Variants in CSMD1 observed in about 807,000 individuals in gnomAD.
CSMD1 encodes CUB and sushi domain-containing protein 1.
In CSMD1, 213 loss-of-function variants were observed where a neutral mutation model predicts 417.5. The ratio of observed to expected loss-of-function variants is 0.51; its 90% CI spans 0.46 to 0.57. The LOEUF (loss-of-function observed/expected upper bound fraction) is 0.57, where lower values mean the gene tolerates loss of function less well. Among genes scored for constraint, CSMD1 ranks in the 20% least tolerant of loss-of-function variants. The pLI, the probability that CSMD1 is intolerant of heterozygous loss-of-function variation, is 0.00. For synonymous variants in CSMD1, 2,862 were observed against 1,736.8 expected (o/e 1.65, Z -16.11); for missense variants, 6,923 against 4,529.7 (o/e 1.53, Z -15.17).
intron 7 of CSMD1, among the ~76,000 whole-genome samples, chr8:3,650,674 G>A (rs1008081261): frequency 3.3e-5 from 5 of 152,150 alleles, no homozygotes; most frequent in Non-Finnish European, 7.3e-5. Flanking sequence ...AGAACTGTTC[G>A]AAGTGGTAAA....
At chr8:4,791,827 C>A (rs1030374656) in intron 1 of CSMD1, among the ~76,000 whole-genome samples, 1 of 152,024 alleles carries the variant, frequency 6.6e-6, no homozygotes, top group African/African-American at 2.4e-5. Flanking sequence ...CACTGACCTA[C>A]AAAATTCCAA....
At chr8:3,947,511 G>C (rs972265359) in intron 5 of CSMD1, among the ~76,000 whole-genome samples, 1 of 151,894 alleles carries the variant, frequency 6.6e-6, no homozygotes, top group African/African-American at 2.4e-5. Context: ...CTTCATATTT[G>C]GAAATTAAAC....
chr8:3,540,466 T>C (rs1307496741), intron 10 of CSMD1, among the ~76,000 whole-genome samples: 3 of 152,126 alleles, frequency 2.0e-5, no homozygotes, highest in Non-Finnish European at 4.4e-5. Flanking sequence ...CAGGACATAG[T>C]CACGGGCAAC....
chr8:3,553,130 A>AG (rs377226017), intron 10 of CSMD1, among the ~76,000 whole-genome samples: 14,363 of 151,868 alleles, frequency 0.095, 712 homozygotes, highest in Middle Eastern at 0.15. Context: ...AGGAGAAAAA[A>AG]AAAAAGAAAG....
At chr8:3,921,295 C>A (rs1043419084) in intron 5 of CSMD1, among the ~76,000 whole-genome samples, 1 of 152,066 alleles carries the variant, frequency 6.6e-6, no homozygotes, top group Non-Finnish European at 1.5e-5. Context: ...TGAGTCTTCT[C>A]TTTTCTACTT....
intron 6 of CSMD1, among the ~76,000 whole-genome samples, chr8:3,723,211 G>A (rs1166008092): frequency 1.3e-5 from 2 of 152,132 alleles, no homozygotes; most frequent in Admixed American, 6.5e-5. Context: ...TTGTGGCCAT[G>A]GACCCTTCCC....
intron 39 of CSMD1, 93 bp from the exon 40 acceptor site, chr8:3,151,606 A>G (rs1819200796): frequency 2.6e-6 from 2 of 769,690 alleles, no homozygotes; most frequent in Non-Finnish European, 4.4e-6. Context: ...GCTGAGAAAG[A>G]GCAAGTCTTC....
rs144186702 is a variant in CSMD1, at chr8:3,702,483, G to T, written c.1009+5931C>A. ...AGCTGCTAAAACTGGTTTCTGCCAA[G>T]AAGAATGCTCAGAAGAAGAAGAAGA... On this transcript the variant is annotated intron_variant, in intron 7 of 69. Coordinates refer to ENST00000635120, the MANE Select transcript of CSMD1 (RefSeq NM_033225.6). Among the ~76,000 whole-genome samples, 739 of 152,294 alleles carry T rather than the reference G, an allele frequency of 4.9e-3. 10 individuals are homozygous for T. The highest frequency in any genetic ancestry group is 0.017 in the African/African-American group (703 of 41,564).
At chr8:4,189,031 T>C (rs1798859182) in intron 3 of CSMD1, among the ~76,000 whole-genome samples, 1 of 152,300 alleles carries the variant, frequency 6.6e-6, no homozygotes, top group East Asian at 1.9e-4. Flanking sequence ...GCAAAGCCAC[T>C]GAAAGCCCAG....
At chr8:4,840,943 T>C (rs780640317) in intron 1 of CSMD1, among the ~76,000 whole-genome samples, 1 of 152,232 alleles carries the variant, frequency 6.6e-6, no homozygotes, top group Non-Finnish European at 1.5e-5. Flanking sequence ...CCCTAATCTA[T>C]ACTTTTAAAA....
chr8:3,321,798 C>T (rs11783178), intron 23 of CSMD1, among the ~76,000 whole-genome samples: 20,606 of 152,112 alleles, frequency 0.14, 2,519 homozygotes, highest in African/African-American at 0.33. Flanking sequence ...AATAAGTGAG[C>T]TGATTTTCAA....
intron 11 of CSMD1, among the ~76,000 whole-genome samples, chr8:3,489,648 G>C (rs921062725): frequency 1.3e-5 from 2 of 152,130 alleles, no homozygotes; most frequent in African/African-American, 4.8e-5. Flanking sequence ...AGGGAAGGTG[G>C]ATTACAGAAG....
At chr8:4,077,954 C>T (rs1799921626) in intron 3 of CSMD1, among the ~76,000 whole-genome samples, 1 of 152,098 alleles carries the variant, frequency 6.6e-6, no homozygotes, top group Non-Finnish European at 1.5e-5. Context: ...CCATACTCGC[C>T]CTGCATGTGT....
chr8:4,903,308 A>G (rs1805020092), intron 1 of CSMD1, among the ~76,000 whole-genome samples: 1 of 152,140 alleles, frequency 6.6e-6, no homozygotes, highest in East Asian at 1.9e-4. Context: ...CCATTTAGCA[A>G]TTGCTTTATG....
intron 5 of CSMD1, among the ~76,000 whole-genome samples, chr8:3,892,388 T>C (rs1217500421): frequency 1.3e-5 from 2 of 152,114 alleles, no homozygotes; most frequent in African/African-American, 2.4e-5. Context: ...TGTTATCCTT[T>C]ACCTACACAG....
At chr8:3,419,184 T>C (rs1813334820) in intron 12 of CSMD1, among the ~76,000 whole-genome samples, 1 of 152,206 alleles carries the variant, frequency 6.6e-6, no homozygotes, top group Non-Finnish European at 1.5e-5. Flanking sequence ...TTTTGCCTTA[T>C]CAAGTAACAC....
intron 10 of CSMD1, among the ~76,000 whole-genome samples, chr8:3,532,987 T>G (rs550163437): frequency 6.6e-6 from 1 of 152,222 alleles, no homozygotes; most frequent in Admixed American, 6.5e-5. Context: ...ATTTTATACA[T>G]TCCCTTCTAC....
At chr8:3,939,809 G>C (rs1325729141) in intron 5 of CSMD1, among the ~76,000 whole-genome samples, 1 of 152,130 alleles carries the variant, frequency 6.6e-6, no homozygotes, top group African/African-American at 2.4e-5. Flanking sequence ...TGAGAGCTAA[G>C]TTATGAGGAT....
chr8:4,191,079 A>ACCCCCGAGG, intron 3 of CSMD1, among the ~76,000 whole-genome samples: 3 of 152,262 alleles, frequency 2.0e-5, no homozygotes, highest in African/African-American at 7.2e-5. Flanking sequence ...ATACACATGG[A>ACCCCCGAGG]TTAAAATAAA....
Sources: gnomAD v4.1 joint callset for allele counts (sites outside exome capture counted in the v4.1 genomes callset) on GRCh38, gnomAD v4.1.1 for gene constraint, MANE v1.5 for transcripts, NCBI Gene and HGNC (gene_info 2026-07-23, HGNC 2026-07-21) for gene names.